The following CALN1 variants were observed in gnomAD, a reference collection of about 807,000 sequenced individuals.
CALN1 encodes the protein calneuron 1, also known as calcium-binding protein 8.
CALN1 carries 17 observed loss-of-function variants against 30.6 expected under a neutral mutation model. That is an observed-to-expected ratio of 0.56 (90% confidence interval 0.38 to 0.83). CALN1 has a LOEUF of 0.83. Ranked by LOEUF, CALN1 falls within the 40% of genes least tolerant of loss-of-function variation. The pLI, the probability that CALN1 is intolerant of heterozygous loss-of-function variation, is 0.00. For synonymous variants in CALN1, 156 were observed against 131.4 expected (o/e 1.19, Z -1.28); for missense variants, 291 against 354.9 (o/e 0.82, Z 1.45).
At chr7:72,084,386 ATTT>A (rs35476098) in intron 4 of CALN1, among the ~76,000 whole-genome samples, 236 of 142,664 alleles carry the variant, frequency 1.7e-3, no homozygotes, top group African/African-American at 5.5e-3. Context: ...ATGTAGTAAA[ATTT>A]TTTTTTTTTT....
intron 2 of CALN1, among the ~76,000 whole-genome samples, chr7:72,290,077 CTTAAAA>C (rs1798370743): frequency 1.6e-5 from 1 of 64,450 alleles, no homozygotes; most frequent in Non-Finnish European, 2.5e-5. Flanking sequence ...GAGACCCTGT[CTTAAAA>C]AAAAAAAAAA....
chr7:72,127,909 G>T (rs2214663), intron 3 of CALN1, among the ~76,000 whole-genome samples: 116,780 of 152,072 alleles, frequency 0.77, 45,374 homozygotes, highest in East Asian at 0.96. Flanking sequence ...GCTAGAGAGA[G>T]AGACTGATGT....
At chr7:71,827,364 C>T (rs541918363) in intron 5 of CALN1, among the ~76,000 whole-genome samples, 2 of 152,166 alleles carry the variant, frequency 1.3e-5, no homozygotes, top group Middle Eastern at 3.2e-3. Flanking sequence ...AGGAGCACAG[C>T]AGATGTGGCC....
At chr7:72,346,466 G>T (rs897581023) in intron 2 of CALN1, among the ~76,000 whole-genome samples, 3 of 152,056 alleles carry the variant, frequency 2.0e-5, no homozygotes, top group African/African-American at 7.2e-5. Context: ...ATTCTGTCCT[G>T]ATTCTCCCAT....
intron 5 of CALN1, among the ~76,000 whole-genome samples, chr7:72,000,496 C>T (rs1366193801): frequency 1.3e-5 from 2 of 151,890 alleles, no homozygotes; most frequent in Non-Finnish European, 2.9e-5. Context: ...CTGAATGATG[C>T]TACACCATTA....
chr7:71,885,517 G>A (rs1300849193), intron 5 of CALN1, among the ~76,000 whole-genome samples: 1 of 152,290 alleles, frequency 6.6e-6, no homozygotes, highest in Middle Eastern at 3.4e-3. Context: ...ATAAAACAAA[G>A]CTGCACCCGG....
At chr7:72,279,795 A>C (rs1797611883) in intron 2 of CALN1, among the ~76,000 whole-genome samples, 1 of 152,248 alleles carries the variant, frequency 6.6e-6, no homozygotes, top group African/African-American at 2.4e-5. Flanking sequence ...GACTTTGAAC[A>C]AGACGCCGAA....
At chr7:72,404,048 G>C (rs1473922471) in intron 1 of CALN1, among the ~76,000 whole-genome samples, 3 of 152,112 alleles carry the variant, frequency 2.0e-5, no homozygotes, top group South Asian at 4.1e-4. Context: ...AGGTCCACTT[G>C]ATGTCACCAA....
intron 5 of CALN1, among the ~76,000 whole-genome samples, chr7:71,863,557 C>CAAAAAAAAAAAAAAAAAAAAA (rs71531769): frequency 9.3e-5 from 3 of 32,214 alleles, no homozygotes; most frequent in Non-Finnish European, 1.5e-4. Flanking sequence ...AACTCCATCT[C>CAAAAAAAAAAAAAAAAAAAAA]AAAAAAAAAA....
rs1788176704 is a variant in CALN1, at chr7:72,162,411, G to A, written c.245-56117C>T. Among the ~76,000 whole-genome samples the A allele has an allele frequency of 2.6e-5, 4 of 151,916 alleles. No homozygotes were observed. In the South Asian group the frequency reaches 8.3e-4, roughly 32 times the overall value. On this transcript the variant is annotated intron_variant, in intron 3 of 6. Coordinates refer to ENST00000395275, the MANE Select transcript of CALN1 (RefSeq NM_031468.4). ...GCCAAAAGCAGATAGAAAGTGAAGG[G>A]GATCAGAATCTTGGGGGTTAAAAAA...
chr7:72,195,912 TGAG>T (rs1790956422), intron 3 of CALN1, among the ~76,000 whole-genome samples: 1 of 152,004 alleles, frequency 6.6e-6, no homozygotes, highest in Non-Finnish European at 1.5e-5. Flanking sequence ...TAAAAAGAAA[TGAG>T]GTACTGATAC....
In CALN1 at chr7:72,366,250, T is replaced by C. The variant is rs182276874; in HGVS notation, c.119+37001A>G. On this transcript the variant is annotated intron_variant, in intron 2 of 6. Transcript: ENST00000395275. ...GTGCAGTGGCGCCATCTCAGCTCAA[T>C]GCAACCTCCACCTCCCAGGTTCAAG... 7.8e-3 allele frequency among the ~76,000 whole-genome samples: 1,193 copies of C among 152,234 alleles called. 17 individuals carry two copies. The highest frequency in any genetic ancestry group is 0.027 in the African/African-American group (1,139 of 41,544).
intron 4 of CALN1, among the ~76,000 whole-genome samples, chr7:72,094,849 A>C (rs1052106754): frequency 3.9e-5 from 6 of 152,148 alleles, no homozygotes; most frequent in Non-Finnish European, 2.9e-5. Flanking sequence ...GCTCTCATAC[A>C]AGGATATTTT....
intron 3 of CALN1, among the ~76,000 whole-genome samples, chr7:72,145,335 A>G (rs1164399345): frequency 2.6e-5 from 4 of 152,234 alleles, no homozygotes; most frequent in South Asian, 4.1e-4. Flanking sequence ...AGAGAATACT[A>G]TAAACACCTC....
At chr7:72,482,932 G>A in the CALN1 span, among the ~76,000 whole-genome samples, 4 of 152,058 alleles carry the variant, frequency 2.6e-5, no homozygotes, top group Non-Finnish European at 5.9e-5. Context: ...TGTGTCCAAA[G>A]AACTCTTTCT....
upstream of CALN1, among the ~76,000 whole-genome samples, chr7:72,451,431 G>A (rs1050289207): frequency 1.3e-5 from 2 of 150,442 alleles, no homozygotes; most frequent in African/African-American, 4.9e-5. Flanking sequence ...ATTTGGGGAA[G>A]GGGGAGGAGG....
chr7:71,909,061 G>C (rs1488431817), intron 5 of CALN1, among the ~76,000 whole-genome samples: 1 of 152,206 alleles, frequency 6.6e-6, no homozygotes, highest in Non-Finnish European at 1.5e-5. Context: ...CTGTTGCCCA[G>C]GCTGGAGTGC....
At chr7:72,357,846 A>T (rs1205436593) in intron 2 of CALN1, among the ~76,000 whole-genome samples, 3 of 145,498 alleles carry the variant, frequency 2.1e-5, no homozygotes, top group Non-Finnish European at 4.5e-5. Context: ...ATTTATATAT[A>T]TTTATATTTA....
At chr7:72,333,852 G>A (rs565272570) in intron 2 of CALN1, among the ~76,000 whole-genome samples, 2 of 152,120 alleles carry the variant, frequency 1.3e-5, no homozygotes, top group Non-Finnish European at 2.9e-5. Context: ...TTCCTCACCA[G>A]GAATGAGGAA....
Sources: gnomAD v4.1 joint callset for allele counts (sites outside exome capture counted in the v4.1 genomes callset) on GRCh38, gnomAD v4.1.1 for gene constraint, MANE v1.5 for transcripts, NCBI Gene and HGNC (gene_info 2026-07-23, HGNC 2026-07-21) for gene names.